Variants in GLCE observed in about 807,000 individuals in gnomAD.
GLCE encodes the protein glucuronic acid epimerase.
Under a neutral mutation model 47.9 loss-of-function variants are expected in GLCE, and 19 were observed. The ratio of observed to expected loss-of-function variants is 0.40; its 90% CI spans 0.28 to 0.58. The LOEUF is 0.58. GLCE is among the 20% of genes least tolerant of loss of function. The pLI, the probability that GLCE is intolerant of heterozygous loss-of-function variation, is 0.48. For missense variants in GLCE, 556 were observed against 743.3 expected, an observed-to-expected ratio of 0.75 and a Z score of 2.93; for synonymous variants, 245 against 263.4, an observed-to-expected ratio of 0.93 and a Z score of 0.68.
At chr15:69,208,872 T>C (rs2052187154) in intron 1 of GLCE, among the ~76,000 whole-genome samples, 1 of 152,236 alleles carries the variant, frequency 6.6e-6, no homozygotes, top group South Asian at 2.1e-4. Context: ...TTGTTTTTTA[T>C]GGAGCTATTT....
chr15:69,172,705 A>G (rs2051606561), intron 1 of GLCE, among the ~76,000 whole-genome samples: 1 of 152,204 alleles, frequency 6.6e-6, no homozygotes, highest in Non-Finnish European at 1.5e-5. Flanking sequence ...TTGATGATTA[A>G]AATTAAACTG....
chr15:69,252,125 A>G (rs886248548), intron 2 of GLCE, among the ~76,000 whole-genome samples: 1 of 152,184 alleles, frequency 6.6e-6, no homozygotes, highest in Non-Finnish European at 1.5e-5. Context: ...TAAAACCTGG[A>G]CATAAGGATT....
At chr15:69,194,364 A>T (rs1331442481) in intron 1 of GLCE, 1 of 152,156 alleles carries the variant, frequency 6.6e-6, no homozygotes, top group Non-Finnish European at 1.5e-5. Context: ...TTGGTTTGTG[A>T]CCCACTTTTG....
intron 2 of GLCE, among the ~76,000 whole-genome samples, chr15:69,239,854 T>G (rs1417553334): frequency 6.6e-6 from 1 of 152,162 alleles, no homozygotes; most frequent in Non-Finnish European, 1.5e-5. Context: ...GGTAACCAAG[T>G]AGTTGGCAAG....
At position 69,265,233 on chromosome 15, in the gene GLCE, A is replaced by T. The variant is rs958656032; in HGVS notation, c.830-2987A>T. On this transcript the variant is annotated intron_variant, in intron 4 of 4. Coordinates refer to ENST00000261858, the MANE Select transcript of GLCE (RefSeq NM_015554.3). ...ACTGGGAATAACTGGTTAGGAGAGGATGGGTCATGGCTTTCAAACAATAAA... is the reference window on the plus strand; with the variant it reads ...ACTGGGAATAACTGGTTAGGAGAGGTTGGGTCATGGCTTTCAAACAATAAA... 4.1e-4 allele frequency among the ~76,000 whole-genome samples: 62 copies of T among 151,986 alleles called. 1 individual carries two copies. Among genetic ancestry groups the T allele is most frequent in the Admixed American group, 2.0e-3 (31 of 15,240 alleles).
In GLCE at chr15:69,271,781, G is replaced by A. The variant is rs1423739626; in HGVS notation, c.*2537G>A. The A allele has an allele frequency of 3.3e-5, 5 of 152,568 alleles. No homozygotes were observed. The highest frequency in any genetic ancestry group is 1.2e-4 in the African/African-American group (5 of 41,430). 9.5% of individuals were successfully genotyped at this position (152,568 alleles called of 1,614,324 possible). On this transcript the variant is annotated 3_prime_UTR_variant, in exon 5 of 5. Transcript: ENST00000261858. The stretch of plus-strand genomic sequence containing the variant: ...CAAGTTTGACCTTTTAGGAGTTATT[G>A]TACATAAAGGCTTCATCCACGAACC...
At chr15:69,193,706 G>A (rs140536967) in intron 1 of GLCE, among the ~76,000 whole-genome samples, 68 of 152,094 alleles carry the variant, frequency 4.5e-4, no homozygotes, top group African/African-American at 1.6e-3. Flanking sequence ...ACTCTCAGAT[G>A]TCAATCCTGT....
intron 1 of GLCE, among the ~76,000 whole-genome samples, chr15:69,182,560 A>G (rs2051766013): frequency 6.6e-6 from 1 of 152,172 alleles, no homozygotes; most frequent in East Asian, 1.9e-4. Flanking sequence ...ATGATTGAAT[A>G]TGGATTTAAT....
intron 1 of GLCE, among the ~76,000 whole-genome samples, 180 bp from the exon 2 acceptor site, chr15:69,210,136 G>A (rs1044150677): frequency 6.6e-6 from 1 of 152,110 alleles, no homozygotes; most frequent in South Asian, 2.1e-4. Flanking sequence ...GGTTGCTTCA[G>A]TGGTACATCA....
At chr15:69,162,176 G>T (rs761819921) in intron 1 of GLCE, among the ~76,000 whole-genome samples, 4 of 152,146 alleles carry the variant, frequency 2.6e-5, no homozygotes, top group Non-Finnish European at 5.9e-5. Context: ...ATGGTTAATC[G>T]AGCTTTTTTA....
At chr15:69,246,816 CGTT>C (rs1424003302) in intron 2 of GLCE, among the ~76,000 whole-genome samples, 1 of 152,078 alleles carries the variant, frequency 6.6e-6, no homozygotes, top group African/African-American at 2.4e-5. Flanking sequence ...GCATTAATCT[CGTT>C]GTACATCTCC....
chr15:69,252,774 T>TA (rs971566620), intron 2 of GLCE, among the ~76,000 whole-genome samples: 20 of 147,560 alleles, frequency 1.4e-4, no homozygotes, highest in East Asian at 3.9e-4. Flanking sequence ...ATGAAGGATT[T>TA]AAAAAAAAAA....
chr15:69,247,602 A>G (rs1036731361), intron 2 of GLCE, among the ~76,000 whole-genome samples: 8 of 152,188 alleles, frequency 5.3e-5, no homozygotes, highest in Admixed American at 2.0e-4. Context: ...CTTTTAGCCT[A>G]TTTTGGCTTT....
At chr15:69,216,712 T>C (rs1455708201) in intron 2 of GLCE, among the ~76,000 whole-genome samples, 1 of 152,122 alleles carries the variant, frequency 6.6e-6, no homozygotes, top group African/African-American at 2.4e-5. Context: ...TTAAGAACTT[T>C]ACTATATTAC....
At chr15:69,198,514 C>T (rs959555883) in intron 1 of GLCE, among the ~76,000 whole-genome samples, 3 of 152,086 alleles carry the variant, frequency 2.0e-5, no homozygotes, top group Non-Finnish European at 4.4e-5. Context: ...AGGCAGGATT[C>T]ATTTCTTCTC....
chr15:69,261,154 A>C lies in GLCE; in HGVS notation c.654A>C (p.Gly218=). 8.1e-6 allele frequency: 13 copies of C among 1,613,814 alleles called. No homozygotes were observed. Among genetic ancestry groups the C allele is most frequent in the Non-Finnish European group, 1.0e-5 (12 of 1,179,698 alleles). The change falls in exon 4 of 5, where the codon GGA becomes GGC. Residue 218 remains glycine, a synonymous_variant. Coordinates refer to ENST00000261858, the MANE Select transcript of GLCE (RefSeq NM_015554.3). ...ATCCAATCCAGATTGCACAGTATGG[A>C]TTAAGTCATTACAGCAAGAATCTAA... ...YFYPIQIAQY[G]LSHYSKNLTE... is the part of the protein sequence containing the mutation.
At chr15:69,213,395 A>G (rs537227169) in intron 2 of GLCE, among the ~76,000 whole-genome samples, 1 of 152,206 alleles carries the variant, frequency 6.6e-6, no homozygotes, top group Non-Finnish European at 1.5e-5. Context: ...ACACTTTGAA[A>G]GACTCCTGGT....
At chr15:69,249,632 G>A (rs552233681) in intron 2 of GLCE, among the ~76,000 whole-genome samples, 176 of 151,876 alleles carry the variant, frequency 1.2e-3, no homozygotes, top group Non-Finnish European at 1.9e-3. Context: ...TACATTATTC[G>A]AGGGAAAAAA....
intron 2 of GLCE, among the ~76,000 whole-genome samples, chr15:69,226,289 C>T (rs1392056924): frequency 6.6e-6 from 1 of 152,120 alleles, no homozygotes; most frequent in African/African-American, 2.4e-5. Flanking sequence ...ATTCCAAACA[C>T]TGCTGTTGTT....
Sources: allele counts gnomAD v4.1 joint callset (sites outside exome capture counted in the v4.1 genomes callset), GRCh38; gene constraint gnomAD v4.1.1; transcripts MANE v1.5; gene names NCBI Gene and HGNC (gene_info 2026-07-23, HGNC 2026-07-21).